The following NRP1 variants were observed in gnomAD, a reference collection of about 807,000 sequenced individuals.
The protein encoded by NRP1 is neuropilin 1.
In NRP1, 35 loss-of-function variants were observed where a neutral mutation model predicts 106.7. The ratio of observed to expected loss-of-function variants is 0.33; its 90% CI spans 0.25 to 0.43. The LOEUF is 0.43. Ranked by LOEUF, NRP1 falls within the 20% of genes least tolerant of loss-of-function variation. The pLI is 1.00. For missense variants in NRP1, 1,024 were observed against 1,170.4 expected, an observed-to-expected ratio of 0.87 and a Z score of 1.83; for synonymous variants, 437 against 417.9, an observed-to-expected ratio of 1.05 and a Z score of -0.56.
intron 2 of NRP1, among the ~76,000 whole-genome samples, chr10:33,276,752 A>C (rs1843725348): frequency 1.3e-5 from 2 of 152,176 alleles, no homozygotes; most frequent in South Asian, 4.1e-4. Flanking sequence ...TATTGTTGCT[A>C]GACAATCATC....
chr10:33,215,811 A>G (rs1299280977), intron 8 of NRP1, among the ~76,000 whole-genome samples: 1 of 152,178 alleles, frequency 6.6e-6, no homozygotes, highest in Non-Finnish European at 1.5e-5. Context: ...CTTCTTGTCT[A>G]GAAATTACGC....
At chr10:33,187,643 A>AAAC (rs1256702932) in intron 13 of NRP1, among the ~76,000 whole-genome samples, 123 of 152,202 alleles carry the variant, frequency 8.1e-4, no homozygotes, top group Admixed American at 4.2e-3. Context: ...CCACCTGGTC[A>AAAC]ACACAGCTCA....
At chr10:33,195,784 T>C (rs1836738781) in intron 12 of NRP1, among the ~76,000 whole-genome samples, 1 of 152,134 alleles carries the variant, frequency 6.6e-6, no homozygotes, top group African/African-American at 2.4e-5. Context: ...GGAGTCCAGA[T>C]TCATGACTCA....
chr10:33,241,209 G>T (rs555366331), intron 6 of NRP1, among the ~76,000 whole-genome samples: 2 of 152,298 alleles, frequency 1.3e-5, no homozygotes, highest in South Asian at 2.1e-4. Flanking sequence ...ATGTTACCCA[G>T]TTATCTGTGG....
At chr10:33,236,967 CT>C (rs1242632979) in intron 6 of NRP1, among the ~76,000 whole-genome samples, 14 of 151,954 alleles carry the variant, frequency 9.2e-5, no homozygotes, top group South Asian at 2.1e-4. Context: ...CAATTAAGAC[CT>C]TTTTTTTCTT....
chr10:33,194,215 A>G (rs1428322637), intron 12 of NRP1, among the ~76,000 whole-genome samples: 1 of 152,206 alleles, frequency 6.6e-6, no homozygotes, highest in East Asian at 1.9e-4. Flanking sequence ...TTGGATGCCA[A>G]CGCCCATGAC....
intron 8 of NRP1, among the ~76,000 whole-genome samples, chr10:33,220,236 A>G (rs1839120784): frequency 6.6e-6 from 1 of 152,226 alleles, no homozygotes; most frequent in Non-Finnish European, 1.5e-5. Flanking sequence ...TTGTAATTTC[A>G]TGGAATATTG....
Position 33,263,748 on chromosome 10 carries a change from T to A in NRP1, c.556A>T (p.Ile186Phe), listed in dbSNP as rs774782566. The A allele has an allele frequency of 6.2e-7, 1 of 1,614,070 alleles. No homozygotes were observed. The highest frequency in any genetic ancestry group is 1.1e-5 in the South Asian group (1 of 91,076). ...IVFVPKMSEIILEFESFDLEP... is the reference protein window; with the variant it reads ...IVFVPKMSEIFLEFESFDLEP... ...AGGTCAAAGCTTTCAAATTCCAGGA[T>A]AATCTCTGACATCTTTGGCACAAAG... is the stretch of plus-strand genomic sequence containing the variant. Residue 186 changes from isoleucine to phenylalanine, a missense_variant, in exon 4 of 17, where the codon ATC (isoleucine) becomes TTC (phenylalanine). Physicochemically the swap from Ile to Phe is conservative, Grantham distance 21. This residue lies in a region of NRP1 where 279 missense variants were observed against 327.4 expected (regional missense o/e 0.85). Transcript: ENST00000374867.
rs1842747809 is a variant in NRP1 at position 33,263,890 on chromosome 10, A to C, written c.431-17T>G. On this transcript the variant is annotated splice_polypyrimidine_tract_variant and intron_variant, in intron 3 of 16. Coordinates refer to ENST00000374867, the MANE Select transcript of NRP1 (RefSeq NM_003873.7). ...ATTCAGGACCTATGAGTAGAAGAGA[A>C]AAAGGAGTAAAGTGAAAATCCCACT... The C allele has an allele frequency of 6.6e-7, 1 of 1,506,166 alleles. No homozygotes were observed. The highest frequency in any genetic ancestry group is 1.7e-5 in the Admixed American group (1 of 59,188). 93.3% of individuals were successfully genotyped at this position (1,506,166 alleles called of 1,614,324 possible). A position where few individuals can be genotyped will look rare whatever the true frequency, so the allele number is the denominator to read the frequency against.
At chr10:33,180,767 A>G (rs1175441442) in intron 16 of NRP1, among the ~76,000 whole-genome samples, 2 of 152,228 alleles carry the variant, frequency 1.3e-5, no homozygotes, top group Non-Finnish European at 2.9e-5. Context: ...CCTAACCCCA[A>G]AACAGGCACA....
chr10:33,212,263 G>T (rs1052339017), intron 9 of NRP1: 13 of 152,226 alleles, frequency 8.5e-5, no homozygotes, highest in African/African-American at 3.1e-4. Flanking sequence ...ATAGCTAAAG[G>T]TGACAGCAAT....
At position 33,249,084 on chromosome 10, in the gene NRP1, G is replaced by GTTTTTTTTTTT. The variant is rs750905931; in HGVS notation, c.981+4933_981+4943dup. Among the ~76,000 whole-genome samples the GTTTTTTTTTTT allele has an allele frequency of 3.8e-3, 273 of 72,212 alleles. 13 individuals carry two copies. Among genetic ancestry groups the GTTTTTTTTTTT allele is most frequent in the Middle Eastern group, 0.016 (1 of 64 alleles). The allele number at this position is 72,212 out of a possible 152,430, so 47.4% of individuals were successfully genotyped here. ...ATCCCACCCAGGTATTATGTCTCTT[G>GTTTTTTTTTTT]TTTTTTTTTTTTTTTTTTTTTTTTG... On this transcript the variant is annotated intron_variant, in intron 6 of 16. Transcript: ENST00000374867.
intron 10 of NRP1, among the ~76,000 whole-genome samples, chr10:33,204,141 C>T (rs921397030): frequency 2.6e-5 from 4 of 152,082 alleles, no homozygotes; most frequent in African/African-American, 7.2e-5. Context: ...GGATAGTTCT[C>T]GTGATGGCTG....
chr10:33,255,149 A>C (rs754785046), intron 5 of NRP1, among the ~76,000 whole-genome samples: 4 of 152,246 alleles, frequency 2.6e-5, no homozygotes, highest in Non-Finnish European at 5.9e-5. Flanking sequence ...TGAATTTTCT[A>C]TCAATAACAG....
At chr10:33,226,073 G>A in intron 7 of NRP1, 61 bp downstream of exon 7, 2 of 1,558,390 alleles carry the variant, frequency 1.3e-6, no homozygotes, top group Non-Finnish European at 1.8e-6. Flanking sequence ...AAACAAACAA[G>A]TAAAAATTGA....
At chr10:33,271,806 T>C (rs1304102421) in intron 2 of NRP1, among the ~76,000 whole-genome samples, 1 of 152,196 alleles carries the variant, frequency 6.6e-6, no homozygotes, top group East Asian at 1.9e-4. Flanking sequence ...AAAGCTTTTG[T>C]CTATTTGGTG....
chr10:33,298,072 T>C (rs1362459311), intron 2 of NRP1, among the ~76,000 whole-genome samples: 2 of 152,220 alleles, frequency 1.3e-5, no homozygotes, highest in Non-Finnish European at 2.9e-5. Flanking sequence ...CATGTTTGTA[T>C]GGAGCCAAGC....
chr10:33,282,050 A>G (rs1282834269), intron 2 of NRP1, among the ~76,000 whole-genome samples: 2 of 152,202 alleles, frequency 1.3e-5, no homozygotes, highest in Non-Finnish European at 2.9e-5. Context: ...TTGCTCTAGC[A>G]TTGCTCTCAA....
intron 6 of NRP1, among the ~76,000 whole-genome samples, chr10:33,242,898 G>A (rs1415479565): frequency 6.6e-6 from 1 of 152,050 alleles, no homozygotes; most frequent in Non-Finnish European, 1.5e-5. Flanking sequence ...TCTTCTTTCT[G>A]GGTTAGTATT....
Sources: gnomAD v4.1 joint callset for allele counts (sites outside exome capture counted in the v4.1 genomes callset) on GRCh38, gnomAD v4.1.1 for gene constraint, gnomAD v4.1.1 regional missense constraint, MANE v1.5 for transcripts, NCBI Gene and HGNC (gene_info 2026-07-23, HGNC 2026-07-21) for gene names.